Variants in GOLPH3 observed in about 807,000 individuals in gnomAD.
GOLPH3 encodes the protein golgi phosphoprotein 3.
GOLPH3 carries 14 observed loss-of-function variants against 28.5 expected under a neutral mutation model. The ratio of observed to expected loss-of-function variants is 0.49; its 90% CI spans 0.32 to 0.77. The LOEUF is 0.77. GOLPH3 is among the 30% of genes least tolerant of loss of function. The pLI is 0.03. For synonymous variants in GOLPH3, 158 were observed against 159.2 expected (o/e 0.99, Z 0.06); for missense variants, 350 against 393.7 (o/e 0.89, Z 0.94).
At chr5:32,132,173 C>G (rs1745839309) in intron 3 of GOLPH3, among the ~76,000 whole-genome samples, 1 of 152,086 alleles carries the variant, frequency 6.6e-6, no homozygotes, top group Admixed American at 6.6e-5. Context: ...ACAAAACAAA[C>G]AAAATACGTA....
intron 3 of GOLPH3, among the ~76,000 whole-genome samples, chr5:32,129,107 G>A (rs898552876): frequency 2.6e-5 from 4 of 152,230 alleles, no homozygotes; most frequent in South Asian, 2.1e-4. Flanking sequence ...GCTTGAACCC[G>A]GGAGGCGGAG....
intron 1 of GOLPH3, among the ~76,000 whole-genome samples, chr5:32,149,501 G>A (rs2111866780): frequency 6.6e-6 from 1 of 152,280 alleles, no homozygotes; most frequent in South Asian, 2.1e-4. Context: ...TATGGCATAT[G>A]AATCATATCT....
rs1382160239 is a variant in GOLPH3 at position 32,142,338 on chromosome 5, G to A, written c.357+1411C>T. On this transcript the variant is annotated intron_variant, in intron 2 of 3. Transcript: ENST00000265070. ...AGACCCTCTGCCTGGCAACCGCCCCGTCTGAGAAGTGAGGAGCCCCTCCGC... is the reference window on the plus strand; with the variant it reads ...AGACCCTCTGCCTGGCAACCGCCCCATCTGAGAAGTGAGGAGCCCCTCCGC... 4.1e-5 allele frequency among the ~76,000 whole-genome samples: 6 copies of A among 147,740 alleles called. No individual in the cohort carries two copies. In the East Asian group the frequency reaches 6.2e-4, roughly 15 times the overall value.
rs574025376 is a variant in GOLPH3 at position 32,157,834 on chromosome 5, G to A, written c.226-13954C>T. On this transcript the variant is annotated intron_variant, in intron 1 of 3. Coordinates refer to ENST00000265070, the MANE Select transcript of GOLPH3 (RefSeq NM_022130.4). ...CGCTACTAAAAATACAAAATTAGCCGGGCATGGTGGTGCATGCCTGTAATC... is the reference window on the plus strand; with the variant it reads ...CGCTACTAAAAATACAAAATTAGCCAGGCATGGTGGTGCATGCCTGTAATC... Among the ~76,000 whole-genome samples, 1,435 of 151,870 alleles carry A rather than the reference G, an allele frequency of 9.4e-3. 8 individuals are homozygous for A. Among genetic ancestry groups the A allele is most frequent in the Non-Finnish European group, 0.014 (980 of 67,940 alleles).
intron 1 of GOLPH3, among the ~76,000 whole-genome samples, chr5:32,165,352 G>A (rs563179389): frequency 2.0e-5 from 3 of 152,304 alleles, no homozygotes; most frequent in East Asian, 3.9e-4. Context: ...GGAGGCCAAC[G>A]TGGGTGGATC....
intron 2 of GOLPH3, among the ~76,000 whole-genome samples, chr5:32,141,278 G>C (rs193246333): frequency 3.1e-3 from 478 of 152,038 alleles, no homozygotes; most frequent in Non-Finnish European, 5.2e-3. Flanking sequence ...AGATTCATTA[G>C]GACACTGATT....
chr5:32,124,804 G>A lies in GOLPH3; in HGVS notation c.*1408C>T, dbSNP rs1326624449. Reference sequence around the variant, plus strand: ...GGGAATCCCTTAAAATTCAACTCTAGAGTTATACACCATCTAGTACTTTTG... The same window carrying A: ...GGGAATCCCTTAAAATTCAACTCTAAAGTTATACACCATCTAGTACTTTTG... On this transcript the variant is annotated 3_prime_UTR_variant, in exon 4 of 4. Transcript: ENST00000265070. 1 of 152,406 alleles carries A rather than the reference G, an allele frequency of 6.6e-6. No individual in the cohort carries two copies. The highest frequency in any genetic ancestry group is 1.5e-5 in the Non-Finnish European group (1 of 68,016). 9.4% of individuals were successfully genotyped at this position (152,406 alleles called of 1,614,324 possible).
intron 1 of GOLPH3, among the ~76,000 whole-genome samples, chr5:32,171,295 G>A (rs73752828): frequency 0.011 from 1,611 of 151,586 alleles, 34 homozygotes; most frequent in African/African-American, 0.037. Flanking sequence ...AAAAAAAATT[G>A]CAAAAAAAAT....
intron 1 of GOLPH3, among the ~76,000 whole-genome samples, chr5:32,163,526 T>G (rs1267674234): frequency 6.6e-6 from 1 of 152,040 alleles, no homozygotes; most frequent in Non-Finnish European, 1.5e-5. Context: ...TGGTGGCATG[T>G]GCCTGTAATC....
At chr5:32,153,812 G>C (rs949483636) in intron 1 of GOLPH3, among the ~76,000 whole-genome samples, 1 of 152,026 alleles carries the variant, frequency 6.6e-6, no homozygotes, top group African/African-American at 2.4e-5. Context: ...CTCTGTATAC[G>C]AAAGAGTCCT....
intron 2 of GOLPH3, among the ~76,000 whole-genome samples, chr5:32,139,069 A>T (rs890684443): frequency 1.3e-5 from 2 of 152,206 alleles, no homozygotes; most frequent in African/African-American, 4.8e-5. Flanking sequence ...GGTATAGTGA[A>T]TCACTTTTTC....
intron 1 of GOLPH3, among the ~76,000 whole-genome samples, chr5:32,167,816 T>C (rs888097343): frequency 6.6e-6 from 1 of 151,950 alleles, no homozygotes; most frequent in Non-Finnish European, 1.5e-5. Flanking sequence ...TAGCTGGGCA[T>C]GATAGGGTGC....
chr5:32,128,759 C>T (rs543114267), intron 3 of GOLPH3, among the ~76,000 whole-genome samples: 155 of 151,566 alleles, frequency 1.0e-3, no homozygotes, highest in Non-Finnish European at 1.8e-3. Flanking sequence ...AAAGAAAGAC[C>T]ATAAAATTCA....
At chr5:32,172,327 A>G (rs368828148) in intron 1 of GOLPH3, among the ~76,000 whole-genome samples, 55 of 152,038 alleles carry the variant, frequency 3.6e-4, no homozygotes, top group African/African-American at 1.2e-3. Context: ...AGTAAGTTTC[A>G]GTGACCAAGA....
chr5:32,124,862 T>A lies in GOLPH3; in HGVS notation c.*1350A>T, dbSNP rs909808211. 4.6e-5 allele frequency: 7 copies of A among 152,592 alleles called. No individual in the cohort carries two copies. The highest frequency in any genetic ancestry group is 1.4e-4 in the African/African-American group (6 of 41,442). The allele number at this position is 152,592 out of a possible 1,614,324, so 9.5% of individuals were successfully genotyped here. On this transcript the variant is annotated 3_prime_UTR_variant, in exon 4 of 4. Transcript: ENST00000265070. ...TGTTAACAACAACAAAAAAAATCTC[T>A]AAACACCTGAAAGCCCCACTATTAA...
chr5:32,141,999 A>G (rs1746074760), intron 2 of GOLPH3, among the ~76,000 whole-genome samples: 1 of 152,178 alleles, frequency 6.6e-6, no homozygotes, highest in South Asian at 2.1e-4. Flanking sequence ...CAAAGTGCCG[A>G]GACTGCAGCC....
At chr5:32,163,065 G>C (rs773304638) in intron 1 of GOLPH3, among the ~76,000 whole-genome samples, 1 of 152,120 alleles carries the variant, frequency 6.6e-6, no homozygotes, top group Non-Finnish European at 1.5e-5. Flanking sequence ...GTGACAGAGC[G>C]AGACTCCGTC....
At chr5:32,171,955 GAA>G (rs1219607148) in intron 1 of GOLPH3, among the ~76,000 whole-genome samples, 1 of 138,644 alleles carries the variant, frequency 7.2e-6, no homozygotes, top group African/African-American at 2.6e-5. Context: ...TCTAAAAAAA[GAA>G]AAAAAAAAAG....
At chr5:32,165,589 G>GAA (rs796801595) in intron 1 of GOLPH3, among the ~76,000 whole-genome samples, 1 of 142,460 alleles carries the variant, frequency 7.0e-6, no homozygotes, top group African/African-American at 2.6e-5. Flanking sequence ...TCTCAGAAGA[G>GAA]AAAAAAAAAA....
Sources: gnomAD v4.1 joint callset for allele counts (sites outside exome capture counted in the v4.1 genomes callset) on GRCh38, gnomAD v4.1.1 for gene constraint, MANE v1.5 for transcripts, NCBI Gene and HGNC (gene_info 2026-07-23, HGNC 2026-07-21) for gene names.